The following DPP6 variants were observed in gnomAD, a reference collection of about 807,000 sequenced individuals.
DPP6 encodes A-type potassium channel modulatory protein DPP6.
DPP6 carries 69 observed loss-of-function variants against 122.6 expected under a neutral mutation model. The observed-to-expected ratio is 0.56, with a 90% CI of 0.46 to 0.69. The LOEUF (loss-of-function observed/expected upper bound fraction) is 0.69. Ranked by LOEUF, DPP6 falls within the 30% of genes least tolerant of loss-of-function variation. The probability of loss-of-function intolerance (pLI) is 0.00; values close to 1 mark genes in which losing one functional copy is unlikely to be tolerated. For missense variants in DPP6, 928 were observed against 1,116.9 expected (o/e 0.83, Z 2.41); for synonymous variants, 418 against 433.1 (o/e 0.97, Z 0.43).
intron 2 of DPP6, among the ~76,000 whole-genome samples, chr7:154,468,650 A>C (rs1821996573): frequency 6.6e-6 from 1 of 152,246 alleles, no homozygotes; most frequent in South Asian, 2.1e-4. Flanking sequence ...AGGTAAGGAC[A>C]TGAAGAGGGA....
At chr7:154,165,511 G>C (rs554214264) in intron 1 of DPP6, among the ~76,000 whole-genome samples, 1 of 150,894 alleles carries the variant, frequency 6.6e-6, no homozygotes, top group Non-Finnish European at 1.5e-5. Context: ...TAGTCCTTTG[G>C]GTATATACCT....
chr7:154,258,600 A>C (rs1174624386), intron 1 of DPP6, among the ~76,000 whole-genome samples: 2 of 152,250 alleles, frequency 1.3e-5, no homozygotes, highest in Non-Finnish European at 2.9e-5. Context: ...GCAAAGGAAT[A>C]GGATCATACC....
At chr7:153,914,143 G>C (rs930016964) in intron 1 of DPP6, among the ~76,000 whole-genome samples, 4 of 152,052 alleles carry the variant, frequency 2.6e-5, no homozygotes, top group Non-Finnish European at 4.4e-5. Context: ...TGCTGTTCTC[G>C]TCATACTGAA....
chr7:154,727,929 C>A, intron 8 of DPP6, 42 bp downstream of exon 8: 1 of 1,550,440 alleles, frequency 6.4e-7, no homozygotes. Context: ...TTTGTGGTTG[C>A]TGCTGCTGCT....
intron 5 of DPP6, among the ~76,000 whole-genome samples, chr7:154,579,046 A>G (rs1156800522): frequency 6.6e-6 from 1 of 152,182 alleles, no homozygotes; most frequent in African/African-American, 2.4e-5. Context: ...GAGATAACCA[A>G]TTATACAAAG....
chr7:154,585,872 C>A (rs567526442), intron 5 of DPP6, among the ~76,000 whole-genome samples: 3 of 151,912 alleles, frequency 2.0e-5, no homozygotes, highest in Non-Finnish European at 4.4e-5. Flanking sequence ...GGCTTTGGGG[C>A]GGGAGCCTAC....
chr7:154,159,038 C>T (rs1309354344), intron 1 of DPP6, among the ~76,000 whole-genome samples: 2 of 152,228 alleles, frequency 1.3e-5, no homozygotes, highest in African/African-American at 2.4e-5. Context: ...GAATCAACCT[C>T]CCATCTCGTG....
intron 1 of DPP6, among the ~76,000 whole-genome samples, chr7:153,899,148 C>T (rs1290381137): frequency 6.6e-6 from 1 of 151,578 alleles, no homozygotes; most frequent in Non-Finnish European, 1.5e-5. Flanking sequence ...TTCTCCTTCT[C>T]TTATTTATCC....
In DPP6 at chr7:154,772,849, G is replaced by C; in HGVS notation, c.1043G>C (p.Gly348Ala). ...CTGCCCCTTTTTAATCCCCAGGCTGGAAGTGAGAACCCCAGCATTTCCCTA... is the reference window on the plus strand; with the variant it reads ...CTGCCCCTTTTTAATCCCCAGGCTGCAAGTGAGAACCCCAGCATTTCCCTA... ...TVKPYHYPKA[G>A]SENPSISLHV... is the part of the protein sequence containing the mutation. The change falls in exon 10 of 26, where the codon GGA (glycine) becomes GCA (alanine). Residue 348 changes from glycine (G) to alanine (A), a missense_variant. Physicochemically the swap from Gly to Ala is moderately conservative, Grantham distance 60. Coordinates refer to ENST00000377770, the MANE Select transcript of DPP6 (RefSeq NM_130797.4). 4.3e-6 allele frequency: 7 copies of C among 1,611,794 alleles called. No individual in the cohort carries two copies. Among genetic ancestry groups the C allele is most frequent in the Non-Finnish European group, 5.9e-6 (7 of 1,179,284 alleles).
intron 5 of DPP6, among the ~76,000 whole-genome samples, chr7:154,590,974 G>A (rs1832779806): frequency 6.6e-6 from 1 of 152,240 alleles, no homozygotes; most frequent in Non-Finnish European, 1.5e-5. Context: ...TGGGCGTGGT[G>A]AACCAAGAAG....
chr7:154,773,068 TC>T (rs985430082), intron 10 of DPP6, 126 bp downstream of exon 10: 2 of 1,235,334 alleles, frequency 1.6e-6, no homozygotes, highest in African/African-American at 3.1e-5. Flanking sequence ...AAGGTACCTT[TC>T]CTAAAGATTT....
chr7:154,033,518 G>A (rs1799363297), intron 1 of DPP6, among the ~76,000 whole-genome samples: 1 of 152,218 alleles, frequency 6.6e-6, no homozygotes, highest in Non-Finnish European at 1.5e-5. Context: ...TTCCTAACCT[G>A]GTCAAGGAAT....
chr7:154,418,703 T>C (rs1817225018), intron 1 of DPP6, among the ~76,000 whole-genome samples: 1 of 152,232 alleles, frequency 6.6e-6, no homozygotes, highest in African/African-American at 2.4e-5. Context: ...CCTTGGGAAA[T>C]GCTATGTTAA....
chr7:153,968,214 A>G (rs1337898282), intron 1 of DPP6, among the ~76,000 whole-genome samples: 1 of 149,876 alleles, frequency 6.7e-6, no homozygotes. Context: ...ATTTGTTGTT[A>G]TTTGACTTTT....
At chr7:154,538,666 C>G (rs1035284179) in intron 3 of DPP6, among the ~76,000 whole-genome samples, 6 of 152,190 alleles carry the variant, frequency 3.9e-5, no homozygotes, top group Non-Finnish European at 8.8e-5. Flanking sequence ...TAAGTAGTAA[C>G]CTTTTTTGCA....
chr7:154,661,709 A>G (rs1361907809), intron 6 of DPP6, among the ~76,000 whole-genome samples: 1 of 144,914 alleles, frequency 6.9e-6, no homozygotes, highest in African/African-American at 2.6e-5. Context: ...GTGAATCACC[A>G]TGGCATATTG....
At chr7:154,836,045 T>G (rs1801023460) in intron 16 of DPP6, among the ~76,000 whole-genome samples, 1 of 152,210 alleles carries the variant, frequency 6.6e-6, no homozygotes, top group African/African-American at 2.4e-5. Flanking sequence ...CCTTCAGGAA[T>G]GTTCCTCCGA....
At chr7:153,857,332 C>CTCTCTCTA in the DPP6 span, among the ~76,000 whole-genome samples, 1 of 149,452 alleles carries the variant, frequency 6.7e-6, no homozygotes, top group Non-Finnish European at 1.5e-5. Context: ...TTCTCTCTCT[C>CTCTCTCTA]TCTCTCTCTC....
At chr7:154,375,727 T>C (rs1813072728) in intron 1 of DPP6, among the ~76,000 whole-genome samples, 1 of 152,190 alleles carries the variant, frequency 6.6e-6, no homozygotes. Context: ...AACTGTGAAA[T>C]GTCTGTTGTT....
Sources: allele counts gnomAD v4.1 joint callset (sites outside exome capture counted in the v4.1 genomes callset), GRCh38; gene constraint gnomAD v4.1.1; transcripts MANE v1.5; gene names NCBI Gene and HGNC (gene_info 2026-07-23, HGNC 2026-07-21).